ZFP64: variants seen among roughly 807,000 people sequenced by gnomAD.
ZFP64 encodes the protein zinc finger protein 64.
Under a neutral mutation model 51.6 loss-of-function variants are expected in ZFP64, and 14 were observed. The ratio of observed to expected loss-of-function variants is 0.27; its 90% CI spans 0.18 to 0.42. ZFP64 has a LOEUF of 0.42. Ranked by LOEUF, ZFP64 falls within the 10% of genes least tolerant of loss-of-function variation. The pLI is 1.00. For missense variants in ZFP64, 754 were observed against 906.8 expected (o/e 0.83, Z 2.16); for synonymous variants, 375 against 361.4 (o/e 1.04, Z -0.43).
intron 5 of ZFP64, among the ~76,000 whole-genome samples, chr20:52,115,937 C>A (rs898490675): frequency 6.6e-6 from 1 of 151,978 alleles, no homozygotes; most frequent in Admixed American, 6.6e-5. Context: ...CGGATTTAAG[C>A]GATTCTCCTG....
At chr20:52,187,397 G>A (rs1384542903) in intron 1 of ZFP64, among the ~76,000 whole-genome samples, 3 of 152,008 alleles carry the variant, frequency 2.0e-5, no homozygotes, top group Non-Finnish European at 2.9e-5. Context: ...TGAGGCGGGC[G>A]GATCACCTGA....
intron 2 of ZFP64, among the ~76,000 whole-genome samples, chr20:52,179,627 G>T (rs972335494): frequency 6.6e-6 from 1 of 152,164 alleles, no homozygotes; most frequent in Non-Finnish European, 1.5e-5. Context: ...TCTTTTTTAA[G>T]GCTTTCAAAA....
At chr20:52,101,503 G>C (rs773587874) in intron 5 of ZFP64, among the ~76,000 whole-genome samples, 17 of 152,270 alleles carry the variant, frequency 1.1e-4, no homozygotes, top group South Asian at 4.1e-4. Flanking sequence ...CCGAATAGCT[G>C]GGACCACAGG....
chr20:52,098,671 T>C, intron 5 of ZFP64: 1 of 1,522,068 alleles, frequency 6.6e-7, no homozygotes, highest in Non-Finnish European at 8.9e-7. Context: ...TGGGCTTATT[T>C]CACCTCCCTT....
chr20:52,168,247 G>C (rs1353756257), intron 2 of ZFP64, among the ~76,000 whole-genome samples: 1 of 151,982 alleles, frequency 6.6e-6, no homozygotes, highest in Non-Finnish European at 1.5e-5. Context: ...CAAGGGCTTT[G>C]GTTTAAAGTC....
intron 7 of ZFP64, among the ~76,000 whole-genome samples, chr20:52,089,988 A>C (rs116722848): frequency 6.6e-6 from 1 of 152,230 alleles, no homozygotes; most frequent in Non-Finnish European, 1.5e-5. Context: ...AAAGCCACCT[A>C]TTAAGAAAAA....
intron 5 of ZFP64, among the ~76,000 whole-genome samples, chr20:52,138,050 TAAATAAGCA>T (rs1159393198): frequency 3.4e-4 from 42 of 124,784 alleles, no homozygotes; most frequent in Admixed American, 2.1e-3. Context: ...AATAAATAAA[TAAATAAGCA>T]AGCCAGGCAT....
At chr20:52,118,590 G>A (rs12480321) in intron 5 of ZFP64, among the ~76,000 whole-genome samples, 27,945 of 152,154 alleles carry the variant, frequency 0.18, 3,293 homozygotes, top group Admixed American at 0.27. Flanking sequence ...TTTTCTACTA[G>A]GGCATGTCCT....
At chr20:52,110,615 CCCTGATGA>C (rs1568952121) in intron 5 of ZFP64, 2 of 882,484 alleles carry the variant, frequency 2.3e-6, no homozygotes, top group African/African-American at 3.4e-5. Flanking sequence ...ACGCCAGAGG[CCCTGATGA>C]ACTCCTGGCC....
At position 52,165,957 on chromosome 20, in the gene ZFP64, G is replaced by C. The variant is rs374848526; in HGVS notation, c.355C>G (p.Gln119Glu). 4.3e-6 allele frequency: 7 copies of C among 1,614,036 alleles called. No individual in the cohort carries two copies. In the African/African-American group the frequency reaches 5.3e-5, roughly 12 times the overall value. ...GGGAGAGAGATGACAGTGGCTGTCT[G>C]GTTTTCATTACTTTCCGTGGGCAGG... ...TYLPTESNEN[Q>E]TATVISLPAK... Residue 119 changes from glutamine (Q) to glutamate (E), a missense_variant, in exon 3 of 6, where the codon CAG becomes GAG. Physicochemically the swap from Gln to Glu is conservative, Grantham distance 29. Transcript: ENST00000216923.
intron 5 of ZFP64, among the ~76,000 whole-genome samples, chr20:52,112,483 C>G (rs1348827478): frequency 6.6e-6 from 1 of 152,106 alleles, no homozygotes; most frequent in Non-Finnish European, 1.5e-5. Context: ...TAGTTTCAAT[C>G]CATATATTAA....
At chr20:52,119,533 A>AATATATATATATATATATATAT (rs71192595) in intron 5 of ZFP64, among the ~76,000 whole-genome samples, 1 of 89,838 alleles carries the variant, frequency 1.1e-5, no homozygotes, top group African/African-American at 4.7e-5. Flanking sequence ...AAAAAAAAAA[A>AATATATATATATATATATATAT]ATATATATAT....
downstream of ZFP64, among the ~76,000 whole-genome samples, chr20:52,149,573 G>A (rs1568677327): frequency 6.6e-6 from 1 of 152,300 alleles, no homozygotes; most frequent in East Asian, 1.9e-4. Context: ...AGAACACAGA[G>A]CACCTAACAT....
chr20:52,188,967 C>T (rs1223711193), intron 1 of ZFP64, among the ~76,000 whole-genome samples: 1 of 151,440 alleles, frequency 6.6e-6, no homozygotes, highest in African/African-American at 2.4e-5. Context: ...CAGAGCGAGA[C>T]TCCGTCTCAC....
chr20:52,174,498 A>AAT (rs2123078281), intron 2 of ZFP64, among the ~76,000 whole-genome samples: 1 of 151,678 alleles, frequency 6.6e-6, no homozygotes, highest in East Asian at 1.9e-4. Flanking sequence ...AAAAAAAAAA[A>AAT]AAAAAAGTAT....
At chr20:52,105,431 G>A (rs961135320) in intron 5 of ZFP64, 6 of 1,187,342 alleles carry the variant, frequency 5.1e-6, no homozygotes, top group Non-Finnish European at 5.3e-6. Context: ...GGAGTCCCGC[G>A]GACTTGCGGT....
Position 52,115,062 on chromosome 20 carries a change from AGGTAT to A in ZFP64, c.764-16480_764-16476del, listed in dbSNP as rs1978790452. On this transcript the variant is annotated intron_variant, in intron 5 of 8. Coordinates refer to the ZFP64 transcript ENST00000361387. The stretch of plus-strand genomic sequence containing the variant: ...AATACAAAAACAAAAAAAATTAGCC[AGGTAT>A]GGTGGTGGGCGCCTGTAGTCCCAGG... Among the ~76,000 whole-genome samples the A allele has an allele frequency of 1.1e-4, 17 of 152,126 alleles. 1 individual carries two copies. In the South Asian group the frequency reaches 3.5e-3, roughly 32 times the overall value.
At chr20:52,168,062 C>T (rs142735044) in intron 2 of ZFP64, among the ~76,000 whole-genome samples, 7 of 152,214 alleles carry the variant, frequency 4.6e-5, no homozygotes, top group Admixed American at 4.6e-4. Flanking sequence ...CTTTTCCTGA[C>T]TTCTTTGGAC....
intron 5 of ZFP64, among the ~76,000 whole-genome samples, chr20:52,125,858 G>A (rs1295741582): frequency 1.3e-5 from 2 of 152,114 alleles, no homozygotes; most frequent in African/African-American, 4.8e-5. Context: ...TACTGTGTGC[G>A]AGGTACTTAA....
Sources: gnomAD v4.1 joint callset for allele counts (sites outside exome capture counted in the v4.1 genomes callset) on GRCh38, gnomAD v4.1.1 for gene constraint, MANE v1.5 for transcripts, NCBI Gene and HGNC (gene_info 2026-07-23, HGNC 2026-07-21) for gene names.